Variants in SVOPL observed in about 807,000 individuals in gnomAD.
The protein encoded by SVOPL is SVOP like.
In SVOPL, 60 loss-of-function variants were observed where a neutral mutation model predicts 61.0. That is an observed-to-expected ratio of 0.98 (90% CI 0.80 to 1.22). The LOEUF (loss-of-function observed/expected upper bound fraction) is 1.22, where lower values mean the gene tolerates loss of function less well. Ranked by LOEUF, SVOPL falls within the 50% of genes most tolerant of loss-of-function variation. The pLI is 0.00. For synonymous variants in SVOPL, 279 were observed against 250.0 expected (o/e 1.12, Z -1.09); for missense variants, 662 against 643.9 (o/e 1.03, Z -0.30).
At chr7:138,620,117 C>CTTTTTTT (rs1563093865) in intron 14 of SVOPL, among the ~76,000 whole-genome samples, 1 of 120,840 alleles carries the variant, frequency 8.3e-6, no homozygotes, top group Non-Finnish European at 1.7e-5. Flanking sequence ...TGTTTTTTTT[C>CTTTTTTT]TGTTTTGTTT....
intron 3 of SVOPL, among the ~76,000 whole-genome samples, chr7:138,677,323 GCCTAAGCTCTGATTGTTTTTATTTTGC>G (rs1802591084): frequency 6.6e-6 from 1 of 152,000 alleles, no homozygotes; most frequent in Admixed American, 6.6e-5. Flanking sequence ...GATCTCTGAG[GCCTAAGCTCTGATTGTTTTTATTTTGC>G]CCAAATTCCT....
chr7:138,621,207 C>G, intron 13 of SVOPL, 72 bp from the exon 14 acceptor site: 2 of 1,333,608 alleles, frequency 1.5e-6, no homozygotes, highest in Admixed American at 2.2e-5. Context: ...CTTCCCCTTC[C>G]TCCCCAGGTC....
intron 1 of SVOPL, among the ~76,000 whole-genome samples, chr7:138,682,581 C>T (rs749666230): frequency 6.6e-6 from 1 of 152,034 alleles, no homozygotes; most frequent in Non-Finnish European, 1.5e-5. Context: ...GAAAGGGGAA[C>T]CTATAGACTA....
intron 5 of SVOPL, chr7:138,661,773 T>C: frequency 1.1e-6 from 1 of 897,786 alleles, no homozygotes; most frequent in South Asian, 5.1e-5. Context: ...TAACTGCTGC[T>C]AATCGGAGCA....
intron 12 of SVOPL, 37 bp downstream of exon 12, chr7:138,627,313 C>A: frequency 1.3e-6 from 2 of 1,516,586 alleles, no homozygotes; most frequent in Non-Finnish European, 9.1e-7. Context: ...ATTTAGAAAC[C>A]ACTGCACAAA....
chr7:138,659,112 G>A (rs761363923), intron 6 of SVOPL, among the ~76,000 whole-genome samples: 13 of 152,278 alleles, frequency 8.5e-5, no homozygotes, highest in Middle Eastern at 3.4e-3. Flanking sequence ...TCATTTGCAT[G>A]ATAAAACCTT....
intron 10 of SVOPL, 78 bp from the exon 11 acceptor site, chr7:138,628,441 G>T (rs1238153811): frequency 1.3e-5 from 19 of 1,445,762 alleles, no homozygotes; most frequent in Non-Finnish European, 1.8e-5. Flanking sequence ...ATACCAAGTG[G>T]AACGTGTAGC....
intron 15 of SVOPL, among the ~76,000 whole-genome samples, chr7:138,595,358 A>G (rs1798237300): frequency 6.6e-6 from 1 of 152,140 alleles, no homozygotes; most frequent in Non-Finnish European, 1.5e-5. Flanking sequence ...ATTTTTCCCA[A>G]AGACATGTAG....
At chr7:138,600,546 G>A (rs1798471004) in intron 14 of SVOPL, among the ~76,000 whole-genome samples, 2 of 151,638 alleles carry the variant, frequency 1.3e-5, no homozygotes, top group East Asian at 2.0e-4. Context: ...AAGCTGCAAT[G>A]AGCCATGATT....
At chr7:138,640,666 G>A (rs1196618000) in intron 9 of SVOPL, among the ~76,000 whole-genome samples, 3 of 152,148 alleles carry the variant, frequency 2.0e-5, no homozygotes, top group Non-Finnish European at 4.4e-5. Flanking sequence ...TGCAGGAACA[G>A]AAAGCCAAAT....
intron 5 of SVOPL, chr7:138,662,112 A>G (rs1003646373): frequency 3.0e-6 from 3 of 985,460 alleles, no homozygotes; most frequent in Non-Finnish European, 3.6e-6. Context: ...CTCTCATTTA[A>G]GAGCATGGGC....
intron 5 of SVOPL, chr7:138,661,105 T>C: frequency 1.0e-6 from 1 of 985,454 alleles, no homozygotes; most frequent in Non-Finnish European, 1.2e-6. Context: ...TTCATGTACT[T>C]TAAAACATAC....
At chr7:138,629,891 T>C (rs1349952747) in intron 10 of SVOPL, among the ~76,000 whole-genome samples, 158 bp downstream of exon 10, 1 of 152,218 alleles carries the variant, frequency 6.6e-6, no homozygotes, top group African/African-American at 2.4e-5. Flanking sequence ...TATTTAGTAG[T>C]GGTGGTGTTT....
intron 14 of SVOPL, among the ~76,000 whole-genome samples, chr7:138,600,689 A>G (rs1487317269): frequency 2.0e-5 from 3 of 152,138 alleles, no homozygotes; most frequent in Non-Finnish European, 4.4e-5. Context: ...CTGAATAGAC[A>G]TTTCTCCAAA....
At chr7:138,613,933 C>G (rs1799169209) in intron 14 of SVOPL, among the ~76,000 whole-genome samples, 1 of 152,182 alleles carries the variant, frequency 6.6e-6, no homozygotes, top group African/African-American at 2.4e-5. Context: ...TAACCATCGG[C>G]TTTCAAAAGT....
At chr7:138,675,415 G>A (rs544809019) in intron 3 of SVOPL, among the ~76,000 whole-genome samples, 7 of 151,850 alleles carry the variant, frequency 4.6e-5, no homozygotes, top group Middle Eastern at 3.4e-3. Context: ...GTACAGTGGC[G>A]CGATCTCGGA....
chr7:138,623,281 A>G (rs1274239518), intron 13 of SVOPL, among the ~76,000 whole-genome samples: 1 of 152,144 alleles, frequency 6.6e-6, no homozygotes, highest in Non-Finnish European at 1.5e-5. Context: ...TTTTAGTTAC[A>G]CACCTCTTTT....
At chr7:138,679,856 C>T (rs970377570) in intron 1 of SVOPL, among the ~76,000 whole-genome samples, 12 of 152,162 alleles carry the variant, frequency 7.9e-5, no homozygotes, top group African/African-American at 2.9e-4. Flanking sequence ...ATTATTCCCT[C>T]TAATCTTCAC....
chr7:138,626,243 C>T, intron 12 of SVOPL, 193 bp from the exon 13 acceptor site: 1 of 593,818 alleles, frequency 1.7e-6, no homozygotes, highest in Non-Finnish European at 3.0e-6. Context: ...CTCCCACTGC[C>T]TTCTCCATTC....
Sources: allele counts gnomAD v4.1 joint callset (sites outside exome capture counted in the v4.1 genomes callset), GRCh38; gene constraint gnomAD v4.1.1; transcripts MANE v1.5; gene names NCBI Gene and HGNC (gene_info 2026-07-23, HGNC 2026-07-21).